PHC2: variants seen among roughly 807,000 people sequenced by gnomAD.
PHC2 encodes polyhomeotic-like protein 2.
A neutral mutation model predicts 87.4 loss-of-function variants in PHC2; 29 were observed. That is an observed-to-expected ratio of 0.33 (90% CI 0.25 to 0.45). PHC2 has a LOEUF of 0.45. Ranked by LOEUF, PHC2 falls within the 20% of genes least tolerant of loss-of-function variation. The probability of loss-of-function intolerance (pLI) is 1.00; values close to 1 mark genes in which losing one functional copy is unlikely to be tolerated. For synonymous variants in PHC2, 438 were observed against 461.7 expected (o/e 0.95, Z 0.66); for missense variants, 857 against 1,136.7 (o/e 0.75, Z 3.54).
intron 7 of PHC2, among the ~76,000 whole-genome samples, chr1:33,359,442 A>C (rs1570482502): frequency 6.6e-6 from 1 of 152,230 alleles, no homozygotes; most frequent in Non-Finnish European, 1.5e-5. Context: ...ACCAGCAAGG[A>C]GAATGTGCCT....
intron 1 of PHC2, among the ~76,000 whole-genome samples, chr1:33,395,111 T>C (rs1180649976): frequency 2.0e-5 from 3 of 152,188 alleles, no homozygotes; most frequent in African/African-American, 7.2e-5. Flanking sequence ...ATGCTATTCA[T>C]CAATAAAGAG....
At chr1:33,410,640 C>G (rs1255380480) in intron 1 of PHC2, among the ~76,000 whole-genome samples, 1 of 152,144 alleles carries the variant, frequency 6.6e-6, no homozygotes, top group Non-Finnish European at 1.5e-5. Flanking sequence ...AGGCAATGGG[C>G]AGACTAAGCC....
intron 1 of PHC2, among the ~76,000 whole-genome samples, chr1:33,420,745 G>A (rs1650401983): frequency 1.3e-5 from 2 of 152,056 alleles, no homozygotes. Context: ...GAGTAGCTGA[G>A]ACCACAGGTG....
intron 1 of PHC2, among the ~76,000 whole-genome samples, chr1:33,417,473 C>A (rs1365934355): frequency 6.6e-6 from 1 of 151,948 alleles, no homozygotes; most frequent in Non-Finnish European, 1.5e-5. Context: ...CATAAGAAAG[C>A]TGCAATGATT....
At chr1:33,342,697 T>C (rs1646767278) in intron 9 of PHC2, among the ~76,000 whole-genome samples, 1 of 152,184 alleles carries the variant, frequency 6.6e-6, no homozygotes, top group Non-Finnish European at 1.5e-5. Flanking sequence ...GAATAATAGC[T>C]GGCCCTGGCT....
chr1:33,325,051 C>T (rs78684700), intron 14 of PHC2, 32 bp from the exon 15 acceptor site: 27,477 of 1,573,736 alleles, frequency 0.017, 296 homozygotes, highest in Non-Finnish European at 0.02. Flanking sequence ...CAGTGTCAAT[C>T]CAAGCCGCCA....
At chr1:33,424,118 A>T (rs1650572390) in intron 1 of PHC2, among the ~76,000 whole-genome samples, 1 of 148,028 alleles carries the variant, frequency 6.8e-6, no homozygotes, top group African/African-American at 2.4e-5. Flanking sequence ...AAAACAAAAA[A>T]AACAAAAAAC....
chr1:33,427,740 C>T (rs997398175), intron 1 of PHC2, among the ~76,000 whole-genome samples: 1 of 152,252 alleles, frequency 6.6e-6, no homozygotes, highest in Non-Finnish European at 1.5e-5. Context: ...TGATACTACA[C>T]TCTCATGGTT....
chr1:33,376,811 C>G (rs1420929478), intron 1 of PHC2, among the ~76,000 whole-genome samples: 1 of 152,160 alleles, frequency 6.6e-6, no homozygotes, highest in East Asian at 1.9e-4. Context: ...CGCCTGTGGT[C>G]CCAGCTACCT....
intron 1 of PHC2, among the ~76,000 whole-genome samples, chr1:33,402,637 C>T (rs181030662): frequency 5.9e-5 from 9 of 152,212 alleles, no homozygotes; most frequent in Admixed American, 3.3e-4. Flanking sequence ...CATACAATCT[C>T]AGGTATCAAC....
In PHC2 at chr1:33,412,967, TTTTG is replaced by T. The variant is rs528454047; in HGVS notation, c.-55+18005_-55+18008del. On this transcript the variant is annotated intron_variant, in intron 1 of 14. Coordinates refer to ENST00000683057, the MANE Select transcript of PHC2 (RefSeq NM_001385109.1). Reference sequence around the variant, plus strand: ...ACTTGTTTTTTTTTTGTTTGTTTGTTTTTGTTTGTTTGTTTTGAGATGGAGTCTC... The same window carrying T: ...ACTTGTTTTTTTTTTGTTTGTTTGTTTTTGTTTGTTTTGAGATGGAGTCTC... Among the ~76,000 whole-genome samples, 854 of 152,120 alleles carry T rather than the reference TTTTG, an allele frequency of 5.6e-3. 14 individuals are homozygous for T. Among genetic ancestry groups the T allele is most frequent in the African/African-American group, 0.02 (819 of 41,500 alleles).
chr1:33,344,614 TA>T (rs200829961), intron 9 of PHC2, among the ~76,000 whole-genome samples: 42 of 152,300 alleles, frequency 2.8e-4, no homozygotes, highest in Admixed American at 2.6e-3. Context: ...TTTTATTTTT[TA>T]TTTTTTGAGA....
At chr1:33,387,268 G>A (rs1009317272) in intron 1 of PHC2, among the ~76,000 whole-genome samples, 14 of 152,280 alleles carry the variant, frequency 9.2e-5, no homozygotes, top group Admixed American at 1.3e-4. Context: ...AGCAGTGACT[G>A]TACGGGGTGC....
chr1:33,363,648 C>T, intron 7 of PHC2: 4 of 613,612 alleles, frequency 6.5e-6, no homozygotes, highest in Non-Finnish European at 8.2e-6. Context: ...GGAGGCCCAA[C>T]TGGGTGAAAG....
Position 33,328,880 on chromosome 1 carries a change from G to A in PHC2, c.2415C>T (p.Arg805=), listed in dbSNP as rs1383663823. ...TTCCAAGGGCCTTACCTGGCAGAGA[G>A]CGGATGAATTCGTAGACGTCTTCTA... ...WNVEDVYEFI[R]SLPGCQEIAE... is the part of the protein sequence containing the mutation. The change falls in exon 14 of 15, where the codon CGC becomes CGT. Residue 805 remains arginine, a synonymous_variant. Coordinates refer to ENST00000683057, the MANE Select transcript of PHC2 (RefSeq NM_001385109.1). 1.9e-6 allele frequency: 3 copies of A among 1,607,634 alleles called. No homozygotes were observed. Among genetic ancestry groups the A allele is most frequent in the African/African-American group, 2.7e-5 (2 of 74,808 alleles).
rs548325726 is a variant in PHC2, at chr1:33,371,407, G to A, written c.334-313C>T. On this transcript the variant is annotated intron_variant, in intron 3 of 14. Transcript: ENST00000683057. ...CCTCCACTCCACCACTATCACACCCGGCCACCACCATCACACCCAGCCACC... is the reference window on the plus strand; with the variant it reads ...CCTCCACTCCACCACTATCACACCCAGCCACCACCATCACACCCAGCCACC... Among the ~76,000 whole-genome samples, 8 of 151,630 alleles carry A rather than the reference G, an allele frequency of 5.3e-5. No homozygotes were observed. In the East Asian group the frequency reaches 5.8e-4, roughly 11 times the overall value.
At chr1:33,420,327 T>A (rs970263729) in intron 1 of PHC2, among the ~76,000 whole-genome samples, 1 of 152,068 alleles carries the variant, frequency 6.6e-6, no homozygotes, top group African/African-American at 2.4e-5. Flanking sequence ...ATCACAAACT[T>A]TGGGGGAGGG....
rs773679728 is a variant in PHC2 at position 33,329,163 on chromosome 1, T to G, written c.2149-17A>C. 6.2e-7 allele frequency: 1 copy of G among 1,605,024 alleles called. No individual in the cohort carries two copies. The highest frequency in any genetic ancestry group is 1.1e-5 in the South Asian group (1 of 90,930). On this transcript the variant is annotated splice_polypyrimidine_tract_variant and intron_variant, in intron 13 of 14. Transcript: ENST00000683057. Reference sequence around the variant, plus strand: ...GCCTGTTGGCTGGGAGCAGAGAGTTTTCTTCAGGATGGGGGAACAAACCAT... The same window carrying G: ...GCCTGTTGGCTGGGAGCAGAGAGTTGTCTTCAGGATGGGGGAACAAACCAT...
chr1:33,408,719 C>G (rs1054089386), intron 1 of PHC2, among the ~76,000 whole-genome samples: 1 of 152,124 alleles, frequency 6.6e-6, no homozygotes, highest in African/African-American at 2.4e-5. Flanking sequence ...CCTGCCTCGG[C>G]CCCCCAAAGT....
Sources: allele counts gnomAD v4.1 joint callset (sites outside exome capture counted in the v4.1 genomes callset), GRCh38; gene constraint gnomAD v4.1.1; transcripts MANE v1.5; gene names NCBI Gene and HGNC (gene_info 2026-07-23, HGNC 2026-07-21).